The following STXBP5L variants were observed in gnomAD, a reference collection of about 807,000 sequenced individuals.
STXBP5L encodes syntaxin-binding protein 5-like.
A neutral mutation model predicts 144.5 loss-of-function variants in STXBP5L; 65 were observed. The observed-to-expected ratio is 0.45, with a 90% CI of 0.37 to 0.55. The LOEUF (loss-of-function observed/expected upper bound fraction) is 0.55, where lower values mean the gene tolerates loss of function less well. Among genes scored for constraint, STXBP5L ranks in the 20% least tolerant of loss-of-function variants. The pLI is 0.00. For synonymous variants in STXBP5L, 505 were observed against 469.6 expected (o/e 1.08, Z -0.97); for missense variants, 1,298 against 1,405.5 (o/e 0.92, Z 1.22).
At chr3:121,335,707 G>A (rs528320593) in intron 20 of STXBP5L, among the ~76,000 whole-genome samples, 1 of 152,084 alleles carries the variant, frequency 6.6e-6, no homozygotes, top group African/African-American at 2.4e-5. Context: ...GGCATAACTG[G>A]CTAGCTAAAT....
At chr3:121,416,316 CT>C (rs1296985811) in intron 25 of STXBP5L, among the ~76,000 whole-genome samples, 1 of 151,436 alleles carries the variant, frequency 6.6e-6, no homozygotes, top group Non-Finnish European at 1.5e-5. Context: ...ATTTTTGAAT[CT>C]GCTTGACTTT....
chr3:121,381,157 A>C, intron 21 of STXBP5L, 136 bp from the exon 22 acceptor site: 1 of 828,378 alleles, frequency 1.2e-6, no homozygotes, highest in South Asian at 1.8e-5. Context: ...GAACTGGATA[A>C]GCTCCCTCTC....
At chr3:121,415,237 T>C (rs536401179) in intron 24 of STXBP5L, among the ~76,000 whole-genome samples, 58 of 152,206 alleles carry the variant, frequency 3.8e-4, no homozygotes, top group African/African-American at 1.3e-3. Flanking sequence ...ATAACGAGAG[T>C]ACATCTATGT....
At chr3:121,104,381 G>A (rs1277601622) in intron 5 of STXBP5L, among the ~76,000 whole-genome samples, 2 of 151,984 alleles carry the variant, frequency 1.3e-5, no homozygotes, top group Non-Finnish European at 2.9e-5. Flanking sequence ...ATTCTTCACA[G>A]AACTAGAAAA....
In STXBP5L at chr3:120,954,930, T is replaced by C. The variant is rs566555518; in HGVS notation, c.190-10T>C. On this transcript the variant is annotated splice_polypyrimidine_tract_variant and intron_variant, in intron 2 of 26. Transcript: ENST00000471454. The stretch of plus-strand genomic sequence containing the variant: ...CTAGAGACTTATTGGTATTATTTGC[T>C]CTCTTTCAGACAGTTCGGCATGGTT... 1.2e-6 allele frequency: 2 copies of C among 1,605,542 alleles called. No individual in the cohort carries two copies. Among genetic ancestry groups the C allele is most frequent in the African/African-American group, 1.3e-5 (1 of 74,698 alleles).
intron 2 of STXBP5L, among the ~76,000 whole-genome samples, chr3:120,945,537 CA>C (rs1443548277): frequency 6.6e-6 from 1 of 151,404 alleles, no homozygotes. Flanking sequence ...CAATGTCAAC[CA>C]AAAAAATCAG....
At chr3:121,332,927 C>T (rs2044371831) in intron 20 of STXBP5L, among the ~76,000 whole-genome samples, 1 of 151,940 alleles carries the variant, frequency 6.6e-6, no homozygotes. Flanking sequence ...TTATCTTTAG[C>T]CTCCTTAAAC....
chr3:120,987,430 A>G (rs1483573671), intron 3 of STXBP5L, among the ~76,000 whole-genome samples: 3 of 151,850 alleles, frequency 2.0e-5, no homozygotes, highest in African/African-American at 7.2e-5. Flanking sequence ...TGAAATATGT[A>G]TTTATATTTT....
chr3:121,025,288 T>C lies in STXBP5L; in HGVS notation c.288-16412T>C, dbSNP rs111508110. Among the ~76,000 whole-genome samples, 443 of 152,232 alleles carry C rather than the reference T, an allele frequency of 2.9e-3. 1 individual carries two copies. Among genetic ancestry groups the C allele is most frequent in the Non-Finnish European group, 4.5e-3 (309 of 67,970 alleles). On this transcript the variant is annotated intron_variant, in intron 3 of 26. Coordinates refer to ENST00000471454, the MANE Select transcript of STXBP5L (RefSeq NM_001308330.2). ...AAAAGGAGTTTTCAAAATGATTCCTTGGACAGCTTAGGATGTACACAGTAG... is the reference window on the plus strand; with the variant it reads ...AAAAGGAGTTTTCAAAATGATTCCTCGGACAGCTTAGGATGTACACAGTAG...
At chr3:121,152,433 A>G in intron 7 of STXBP5L, 44 bp from the exon 8 acceptor site, 1 of 1,381,808 alleles carries the variant, frequency 7.2e-7, no homozygotes. Context: ...GCAAGTTAAA[A>G]TTAATGTTAG....
chr3:120,982,271 A>G (rs968197075), intron 3 of STXBP5L, among the ~76,000 whole-genome samples: 2 of 152,154 alleles, frequency 1.3e-5, no homozygotes, highest in Non-Finnish European at 2.9e-5. Flanking sequence ...CCCAGTTTCC[A>G]GGAATTCCCT....
intron 9 of STXBP5L, among the ~76,000 whole-genome samples, chr3:121,168,574 T>G (rs9827406): frequency 6.6e-6 from 1 of 151,856 alleles, no homozygotes; most frequent in African/African-American, 2.4e-5. Flanking sequence ...ACTGATCAAG[T>G]GTAAGACAGG....
At chr3:120,969,447 A>G (rs1278725216) in intron 3 of STXBP5L, among the ~76,000 whole-genome samples, 2 of 146,246 alleles carry the variant, frequency 1.4e-5, no homozygotes, top group Middle Eastern at 3.3e-3. Context: ...TAGATTCTGG[A>G]TACTAGTCCT....
chr3:121,290,242 T>C (rs2051379238), intron 19 of STXBP5L, among the ~76,000 whole-genome samples: 1 of 151,848 alleles, frequency 6.6e-6, no homozygotes, highest in Non-Finnish European at 1.5e-5. Flanking sequence ...ACAACAGAAA[T>C]ACAAAAGGTC....
At chr3:121,359,742 A>G (rs1164705695) in intron 20 of STXBP5L, among the ~76,000 whole-genome samples, 2 of 152,024 alleles carry the variant, frequency 1.3e-5, no homozygotes, top group African/African-American at 2.4e-5. Context: ...CCTTTGTCAA[A>G]AATGAGCTCA....
intron 5 of STXBP5L, among the ~76,000 whole-genome samples, chr3:121,062,839 G>A (rs1005456789): frequency 2.6e-5 from 4 of 152,124 alleles, no homozygotes; most frequent in African/African-American, 9.7e-5. Flanking sequence ...TTCTCATTCA[G>A]TGTTTTTCAG....
At chr3:120,994,547 A>G (rs1291112857) in intron 3 of STXBP5L, among the ~76,000 whole-genome samples, 1 of 152,024 alleles carries the variant, frequency 6.6e-6, no homozygotes, top group Non-Finnish European at 1.5e-5. Flanking sequence ...TTAGATGATC[A>G]TATGATTTGT....
intron 20 of STXBP5L, chr3:121,324,671 T>C (rs1338379752): frequency 5.1e-6 from 3 of 586,044 alleles, no homozygotes; most frequent in African/African-American, 3.8e-5. Flanking sequence ...CTCAAAACTT[T>C]ATTCTCATTT....
intron 9 of STXBP5L, among the ~76,000 whole-genome samples, chr3:121,164,344 T>A (rs1577092284): frequency 6.6e-6 from 1 of 152,132 alleles, no homozygotes; most frequent in South Asian, 2.1e-4. Flanking sequence ...AAAGAAATCA[T>A]CTCACACCTA....
Sources: gnomAD v4.1 joint callset for allele counts (sites outside exome capture counted in the v4.1 genomes callset) on GRCh38, gnomAD v4.1.1 for gene constraint, MANE v1.5 for transcripts, NCBI Gene and HGNC (gene_info 2026-07-23, HGNC 2026-07-21) for gene names.